Variants in PATJ observed in about 807,000 individuals in gnomAD.
The protein encoded by PATJ is PATJ crumbs cell polarity complex component.
In PATJ, 190 loss-of-function variants were observed where a neutral mutation model predicts 224.9. That is an observed-to-expected ratio of 0.84 (90% CI 0.75 to 0.95). The LOEUF is 0.95. Among genes scored for constraint, PATJ ranks in the 40% least tolerant of loss-of-function variants. The pLI, the probability that PATJ is intolerant of heterozygous loss-of-function variation, is 0.00. For synonymous variants in PATJ, 769 were observed against 820.3 expected (o/e 0.94, Z 1.07); for missense variants, 2,121 against 2,270.3 (o/e 0.93, Z 1.34).
At chr1:61,801,818 A>G (rs1026462780) in intron 12 of PATJ, 49 bp downstream of exon 12, 4 of 1,340,600 alleles carry the variant, frequency 3.0e-6, no homozygotes, top group Non-Finnish European at 4.0e-6. Flanking sequence ...TCATTTGTTA[A>G]CCATTTTCTG....
intron 17 of PATJ, among the ~76,000 whole-genome samples, chr1:61,851,371 C>T (rs955731376): frequency 1.3e-5 from 2 of 152,100 alleles, no homozygotes; most frequent in African/African-American, 4.8e-5. Context: ...CTTGAGCTGA[C>T]TCTGGGGCAA....
chr1:61,775,176 C>G (rs888411193), intron 6 of PATJ, 30 bp from the exon 7 acceptor site: 4 of 1,597,066 alleles, frequency 2.5e-6, no homozygotes, highest in Non-Finnish European at 3.4e-6. Flanking sequence ...ATTACTGATA[C>G]TGCGACTCTT....
At position 61,890,020 on chromosome 1, in the gene PATJ, G is replaced by C. The variant is rs376840036; in HGVS notation, c.3131+5612G>C. Among the ~76,000 whole-genome samples the C allele has an allele frequency of 5.9e-5, 9 of 152,256 alleles. No individual in the cohort carries two copies. The South Asian group carries it at 1.7e-3, about 28-fold the overall frequency. On this transcript the variant is annotated intron_variant, in intron 22 of 43. Transcript: ENST00000642238. ...TTTAAAGACCTATGGGTGCCCCTAGGGGGGACATGGACATTTCTCAGACAT... is the reference window on the plus strand; with the variant it reads ...TTTAAAGACCTATGGGTGCCCCTAGCGGGGACATGGACATTTCTCAGACAT...
At chr1:62,125,264 C>A (rs11806040) in intron 39 of PATJ, among the ~76,000 whole-genome samples, 25,020 of 61,830 alleles carry the variant, frequency 0.4, 3,668 homozygotes, top group East Asian at 0.76. Flanking sequence ...CAAAAAAAAA[C>A]AAAAAAAAAA....
rs550867260 is a variant in PATJ, at chr1:62,003,821, C to G, written c.3867+13457C>G. ...GAGCAATGGTTTGGAAAGTGGGCAT[C>G]TTCTTCATGGGGGCCAGTGCCCAAG... On this transcript the variant is annotated intron_variant, in intron 28 of 43. Transcript: ENST00000642238. Among the ~76,000 whole-genome samples, 284 of 152,300 alleles carry G rather than the reference C, an allele frequency of 1.9e-3. 1 individual carries two copies. The highest frequency in any genetic ancestry group is 3.6e-3 in the Non-Finnish European group (244 of 68,024).
intron 20 of PATJ, among the ~76,000 whole-genome samples, chr1:61,874,172 TTTTA>T (rs61201804): frequency 0.017 from 2,313 of 139,734 alleles, 36 homozygotes; most frequent in African/African-American, 0.037. Flanking sequence ...CTTGGGCCTA[TTTTA>T]TTTATTTATT....
At chr1:62,045,691 A>G (rs911486069) in intron 30 of PATJ, among the ~76,000 whole-genome samples, 31 of 152,122 alleles carry the variant, frequency 2.0e-4, no homozygotes, top group Admixed American at 4.6e-4. Flanking sequence ...ACACCCAGCC[A>G]TCCGGATTAG....
chr1:62,052,430 G>C (rs1261984087), intron 31 of PATJ, among the ~76,000 whole-genome samples: 1 of 142,580 alleles, frequency 7.0e-6, no homozygotes, highest in Non-Finnish European at 1.5e-5. Flanking sequence ...TTATTTACCA[G>C]AGATTGACTA....
chr1:62,016,717 CAT>C (rs1381084513), intron 28 of PATJ, among the ~76,000 whole-genome samples: 2 of 152,170 alleles, frequency 1.3e-5, no homozygotes, highest in Non-Finnish European at 2.9e-5. Flanking sequence ...TGGATATGAG[CAT>C]ATGACTCATT....
intron 24 of PATJ, among the ~76,000 whole-genome samples, chr1:61,903,775 C>CTTTT (rs11331898): frequency 7.6e-6 from 1 of 131,600 alleles, no homozygotes; most frequent in Non-Finnish European, 1.6e-5. Flanking sequence ...TGGTACTTTG[C>CTTTT]TTTTTTTTTT....
At chr1:61,758,389 C>T (rs1645771063) in intron 1 of PATJ, among the ~76,000 whole-genome samples, 1 of 152,118 alleles carries the variant, frequency 6.6e-6, no homozygotes, top group Non-Finnish European at 1.5e-5. Flanking sequence ...GCTCTTGTCA[C>T]CCAGGCTGGA....
intron 33 of PATJ, among the ~76,000 whole-genome samples, chr1:62,101,684 TGTG>T (rs1008957747): frequency 1.3e-5 from 2 of 152,242 alleles, no homozygotes; most frequent in Admixed American, 6.5e-5. Context: ...AGTGTTTAAT[TGTG>T]GAATAAAGGG....
intron 34 of PATJ, among the ~76,000 whole-genome samples, chr1:62,108,978 A>G (rs1190936986): frequency 1.3e-5 from 2 of 152,190 alleles, no homozygotes; most frequent in Non-Finnish European, 2.9e-5. Context: ...CTTGCCACCA[A>G]TGTTTTCAAG....
intron 29 of PATJ, among the ~76,000 whole-genome samples, chr1:62,025,012 A>G (rs1033506875): frequency 6.6e-6 from 1 of 152,136 alleles, no homozygotes; most frequent in Non-Finnish European, 1.5e-5. Context: ...CCTATAGCCT[A>G]TCAATTTTGT....
chr1:61,910,051 C>T (rs974539400), intron 25 of PATJ, among the ~76,000 whole-genome samples: 1 of 152,186 alleles, frequency 6.6e-6, no homozygotes, highest in African/African-American at 2.4e-5. Context: ...TTTTAGAATT[C>T]AGTTTTTAAT....
At chr1:61,908,332 A>G (rs753745467) in intron 24 of PATJ, 40 bp from the exon 25 acceptor site, 2 of 1,292,032 alleles carry the variant, frequency 1.5e-6, no homozygotes, top group East Asian at 4.6e-5. Flanking sequence ...CACAATATCT[A>G]GTGCTGTTCT....
In PATJ at chr1:62,086,792, T is replaced by A. The variant is rs1488258320; in HGVS notation, c.4377+2144T>A. ...AGGGGTACTGTTTACTTGGAGCGCC[T>A]CGCTCAGCCTGTTGTAGGATGGAGT... On this transcript the variant is annotated intron_variant, in intron 33 of 43. Transcript: ENST00000642238. The surrounding 1 kb of genome is among the most constrained non-coding windows in gnomAD (Gnocchi z 4.0). 6.6e-6 allele frequency among the ~76,000 whole-genome samples: 1 copy of A among 152,126 alleles called. No individual in the cohort carries two copies. The highest frequency in any genetic ancestry group is 1.5e-5 in the Non-Finnish European group (1 of 68,020).
chr1:61,907,202 A>G (rs897171292), intron 24 of PATJ, among the ~76,000 whole-genome samples: 1 of 152,190 alleles, frequency 6.6e-6, no homozygotes, highest in African/African-American at 2.4e-5. Flanking sequence ...TAAATTACCT[A>G]GTCTTAGGCA....
chr1:62,147,326 ATTG>A (rs1668139252), intron 41 of PATJ, among the ~76,000 whole-genome samples: 1 of 152,188 alleles, frequency 6.6e-6, no homozygotes, highest in Non-Finnish European at 1.5e-5. Context: ...AAACTAGTGA[ATTG>A]TGGTGTCATG....
Sources: allele counts gnomAD v4.1 joint callset (sites outside exome capture counted in the v4.1 genomes callset), GRCh38; gene constraint gnomAD v4.1.1; non-coding constraint Gnocchi (gnomAD v3.1); transcripts MANE v1.5; gene names NCBI Gene and HGNC (gene_info 2026-07-23, HGNC 2026-07-21).